The following KIF1B variants were observed in gnomAD, a reference collection of about 807,000 sequenced individuals.
The protein encoded by KIF1B is kinesin-like protein KIF1B.
KIF1B carries 76 observed loss-of-function variants against 241.9 expected under a neutral mutation model. That is an observed-to-expected ratio of 0.31 (90% CI 0.26 to 0.38). The LOEUF is 0.38. Ranked by LOEUF, KIF1B falls within the 10% of genes least tolerant of loss-of-function variation. The probability of loss-of-function intolerance (pLI) is 1.00; values close to 1 mark genes in which losing one functional copy is unlikely to be tolerated. For synonymous variants in KIF1B, 750 were observed against 796.7 expected (o/e 0.94, Z 0.99); for missense variants, 1,622 against 2,271.4 (o/e 0.71, Z 5.81).
At chr1:10,336,560 T>G in intron 28 of KIF1B, 97 bp from the exon 29 acceptor site, 1 of 938,572 alleles carries the variant, frequency 1.1e-6, no homozygotes, top group Non-Finnish European at 1.8e-6. Flanking sequence ...CATTCTCTCA[T>G]GCCAAAGACT....
intron 10 of KIF1B, among the ~76,000 whole-genome samples, chr1:10,273,767 T>C (rs1211584364): frequency 8.1e-6 from 1 of 123,732 alleles, no homozygotes. Flanking sequence ...GACTAGCCAC[T>C]AAGAGGCCAG....
rs796113773 is a variant in KIF1B, at chr1:10,340,748, C to T, written c.3513+889C>T. Reference sequence around the variant, plus strand: ...TTGAGATTGTGCCACTGCACTCCAGCCTGGGCAAGAAAGCGAGACTCCCAT... The same window carrying T: ...TTGAGATTGTGCCACTGCACTCCAGTCTGGGCAAGAAAGCGAGACTCCCAT... On this transcript the variant is annotated intron_variant, in intron 32 of 48. Transcript: ENST00000676179. 2.1e-4 allele frequency among the ~76,000 whole-genome samples: 32 copies of T among 151,966 alleles called. 1 individual carries two copies. The highest frequency in any genetic ancestry group is 7.5e-4 in the African/African-American group (31 of 41,370).
chr1:10,220,409 A>AGATAGATAGATAGATAGAT (rs1557644303), intron 1 of KIF1B, among the ~76,000 whole-genome samples: 5 of 150,372 alleles, frequency 3.3e-5, no homozygotes, highest in East Asian at 3.9e-4. Flanking sequence ...ATAGATAGAT[A>AGATAGATAGATAGATAGAT]GATAGATAGA....
At chr1:10,342,016 C>A in intron 32 of KIF1B, 34 bp from the exon 33 acceptor site, 1 of 1,301,894 alleles carries the variant, frequency 7.7e-7, no homozygotes, top group Non-Finnish European at 1.1e-6. Flanking sequence ...TGTGTATTTT[C>A]TTGTAATCTT....
In KIF1B at chr1:10,299,744, C is replaced by T. The variant is rs1255915224; in HGVS notation, c.2115+2498C>T. ...TTCTTCAGTTAGTGCTCTAGGATAC[C>T]CTGGTCCTTTCTGTGCTTGCTTTTT... On this transcript the variant is annotated intron_variant, in intron 22 of 48. Coordinates refer to ENST00000676179, the MANE Select transcript of KIF1B (RefSeq NM_001365951.3). Among the ~76,000 whole-genome samples the T allele has an allele frequency of 3.3e-5, 5 of 152,048 alleles. No individual in the cohort carries two copies. In the South Asian group the frequency reaches 1.0e-3, roughly 32 times the overall value.
chr1:10,376,704 C>A lies in KIF1B; in HGVS notation c.*117C>A. The stretch of plus-strand genomic sequence containing the variant: ...ATGTAATCCTGTGGCTTAACTACTT[C>A]TCCCTCCTTGTCCAGCACTTTTCTA... On this transcript the variant is annotated 3_prime_UTR_variant, in exon 49 of 49. Transcript: ENST00000676179. 2 of 1,032,404 alleles carry A rather than the reference C, an allele frequency of 1.9e-6. No individual in the cohort carries two copies. The highest frequency in any genetic ancestry group is 3.0e-6 in the Non-Finnish European group (2 of 657,974). 64.0% of individuals were successfully genotyped at this position (1,032,404 alleles called of 1,614,324 possible). A position where few individuals can be genotyped will look rare whatever the true frequency, so the allele number is the denominator to read the frequency against.
chr1:10,280,817 C>T (rs564506283), intron 14 of KIF1B, among the ~76,000 whole-genome samples: 4 of 152,282 alleles, frequency 2.6e-5, no homozygotes, highest in Admixed American at 6.5e-5. Context: ...TTAGCAGCTG[C>T]GGCATTTCCT....
intron 5 of KIF1B, among the ~76,000 whole-genome samples, chr1:10,263,876 C>G (rs1299339331): frequency 6.6e-6 from 1 of 152,148 alleles, no homozygotes; most frequent in Non-Finnish European, 1.5e-5. Context: ...CTTCTACTTC[C>G]TTCCCTGTTT....
At chr1:10,223,552 T>G (rs1450681183) in intron 1 of KIF1B, among the ~76,000 whole-genome samples, 8 of 149,040 alleles carry the variant, frequency 5.4e-5, no homozygotes, top group African/African-American at 2.0e-4. Flanking sequence ...TTTTGTTTTT[T>G]TTTTTTTTTT....
chr1:10,324,164 C>G (rs1651632224), intron 25 of KIF1B, 102 bp downstream of exon 25: 6 of 1,137,464 alleles, frequency 5.3e-6, no homozygotes, highest in Middle Eastern at 2.3e-4. Context: ...GACACTGTTG[C>G]TTACTTCCCT....
chr1:10,270,604 G>A (rs1005286699), intron 7 of KIF1B, among the ~76,000 whole-genome samples: 14 of 152,104 alleles, frequency 9.2e-5, no homozygotes, highest in African/African-American at 3.4e-4. Context: ...TTAGGAGTAG[G>A]ATGATTGAGT....
chr1:10,220,397 T>TGATAGATA lies in KIF1B; in HGVS notation c.-80+9556_-80+9563dup, dbSNP rs5772398. ...ATAGATAGATAGATAGATAGATAGA[T>TGATAGATA]GATAGATAGATAGATAGATAGATAG... is the stretch of plus-strand genomic sequence containing the variant. On this transcript the variant is annotated intron_variant, in intron 1 of 48. Transcript: ENST00000676179. Among the ~76,000 whole-genome samples the TGATAGATA allele has an allele frequency of 6.5e-3, 938 of 144,266 alleles. 9 individuals carry two copies. Among genetic ancestry groups the TGATAGATA allele is most frequent in the African/African-American group, 0.013 (519 of 38,740 alleles). The allele number at this position is 144,266 out of a possible 152,430, so 94.6% of individuals were successfully genotyped here. A position where few individuals can be genotyped will look rare whatever the true frequency, so the allele number is the denominator to read the frequency against.
chr1:10,328,172 GAGCAAGACCCCA>G (rs1316368523), intron 27 of KIF1B, among the ~76,000 whole-genome samples: 36 of 152,216 alleles, frequency 2.4e-4, no homozygotes, highest in African/African-American at 8.7e-4. Flanking sequence ...CCTGGGGACA[GAGCAAGACCCCA>G]AGTCTACCAA....
chr1:10,306,957 G>C, intron 22 of KIF1B: 1 of 1,041,684 alleles, frequency 9.6e-7, no homozygotes, highest in Middle Eastern at 4.4e-4. Flanking sequence ...GTAGAATGAA[G>C]AGTTGTATAA....
chr1:10,371,931 G>A (rs1362934068), intron 45 of KIF1B, among the ~76,000 whole-genome samples: 4 of 151,924 alleles, frequency 2.6e-5, no homozygotes, highest in Admixed American at 2.0e-4. Context: ...GCAAGACCCT[G>A]TCCCTAAAAA....
chr1:10,277,957 A>T, intron 12 of KIF1B, 29 bp from the exon 13 acceptor site: 1 of 1,606,442 alleles, frequency 6.2e-7, no homozygotes, highest in Non-Finnish European at 8.5e-7. Context: ...ATGAGAAATG[A>T]CAAGAACAAA....
chr1:10,336,601 C>A, intron 28 of KIF1B, 56 bp from the exon 29 acceptor site: 1 of 1,374,096 alleles, frequency 7.3e-7, no homozygotes, highest in Non-Finnish European at 1.0e-6. Context: ...AGCTTTTTCC[C>A]TCCCTCCCCC....
At position 10,339,920 on chromosome 1, in the gene KIF1B, C is replaced by T. The variant is rs1652326257; in HGVS notation, c.3513+61C>T. On this transcript the variant is annotated intron_variant, in intron 32 of 48. Coordinates refer to ENST00000676179, the MANE Select transcript of KIF1B (RefSeq NM_001365951.3). ...TTTCTGGTACCTTGGCTTTCTCAGC[C>T]CGGGAAGGGTGATAAGAAGAGGTAC... The T allele has an allele frequency of 2.9e-6, 4 of 1,363,528 alleles. No homozygotes were observed. In the African/African-American group the frequency reaches 4.3e-5, roughly 15 times the overall value. The allele number at this position is 1,363,528 out of a possible 1,614,324, so 84.5% of individuals were successfully genotyped here.
intron 22 of KIF1B, chr1:10,306,595 G>A (rs1362568691): frequency 2.1e-6 from 1 of 472,952 alleles, no homozygotes; most frequent in African/African-American, 2.0e-5. Context: ...TCAATATGGT[G>A]ATGTCCCTGA....
Sources: gnomAD v4.1 joint callset for allele counts (sites outside exome capture counted in the v4.1 genomes callset) on GRCh38, gnomAD v4.1.1 for gene constraint, MANE v1.5 for transcripts, NCBI Gene and HGNC (gene_info 2026-07-23, HGNC 2026-07-21) for gene names.